The following ZFAT variants were observed in gnomAD, a reference collection of about 807,000 sequenced individuals.
The protein encoded by ZFAT is zinc finger and AT-hook domain containing.
ZFAT carries 64 observed loss-of-function variants against 117.7 expected under a neutral mutation model. The observed-to-expected ratio is 0.54, with a 90% CI of 0.44 to 0.67. ZFAT has a LOEUF of 0.67. Ranked by LOEUF, ZFAT falls within the 30% of genes least tolerant of loss-of-function variation. ZFAT has a pLI of 0.00. For synonymous variants in ZFAT, 679 were observed against 615.0 expected (o/e 1.10, Z -1.54); for missense variants, 1,433 against 1,584.5 (o/e 0.90, Z 1.62).
At chr8:134,739,111 G>A in the ZFAT span, among the ~76,000 whole-genome samples, 36 of 152,276 alleles carry the variant, frequency 2.4e-4, no homozygotes, top group East Asian at 7.0e-3. Context: ...GAATCCATCT[G>A]GGGCCGTTCT....
chr8:134,804,065 T>C, the ZFAT span, among the ~76,000 whole-genome samples: 2 of 152,174 alleles, frequency 1.3e-5, no homozygotes, highest in Non-Finnish European at 2.9e-5. Flanking sequence ...TTTTTAAAAC[T>C]CAGAAAATAG....
chr8:134,757,364 C>T, the ZFAT span, among the ~76,000 whole-genome samples: 105,328 of 151,922 alleles, frequency 0.69, 36,567 homozygotes, highest in South Asian at 0.74. Context: ...TTAAGTAAAC[C>T]TTCTGCATTC....
chr8:134,787,375 C>CT, the ZFAT span, among the ~76,000 whole-genome samples: 2 of 152,160 alleles, frequency 1.3e-5, no homozygotes, highest in Admixed American at 1.3e-4. Context: ...AAGGGGTCTA[C>CT]TTTTTTCCCC....
intron 3 of ZFAT, among the ~76,000 whole-genome samples, chr8:134,635,874 G>A (rs1563706454): frequency 6.6e-6 from 1 of 152,150 alleles, no homozygotes; most frequent in Non-Finnish European, 1.5e-5. Context: ...AGATTCTTCT[G>A]AAATGACAGC....
chr8:134,757,009 CTTTTTTTTTTTT>C, the ZFAT span, among the ~76,000 whole-genome samples: 2 of 81,212 alleles, frequency 2.5e-5, no homozygotes, highest in Non-Finnish European at 4.4e-5. Flanking sequence ...ACCTTCTTTC[CTTTTTTTTTTTT>C]TTTTTTTTTT....
chr8:134,795,854 G>A, the ZFAT span: 2 of 152,248 alleles, frequency 1.3e-5, no homozygotes, highest in Non-Finnish European at 2.9e-5. Context: ...CTTTGGGAGA[G>A]ACAGGATTTG....
chr8:134,818,193 G>A, the ZFAT span, among the ~76,000 whole-genome samples: 1 of 152,140 alleles, frequency 6.6e-6, no homozygotes, highest in African/African-American at 2.4e-5. Flanking sequence ...TTAAGAGAAT[G>A]AAGAGACAAA....
the ZFAT span, among the ~76,000 whole-genome samples, chr8:134,831,789 C>T: frequency 2.6e-5 from 4 of 151,830 alleles, no homozygotes; most frequent in African/African-American, 9.7e-5. Context: ...CCCCGAGCCC[C>T]CCACGACTCG....
intron 11 of ZFAT, among the ~76,000 whole-genome samples, chr8:134,550,310 GAAAAAAAAAA>G (rs10680896): frequency 5.5e-5 from 4 of 72,534 alleles, no homozygotes; most frequent in African/African-American, 1.5e-4. Context: ...GGTCACAACG[GAAAAAAAAAA>G]AAAAAAAAAA....
At position 134,547,027 on chromosome 8, in the gene ZFAT, T is replaced by C. The variant is rs563896128; in HGVS notation, c.2977-14055A>G. 2.6e-5 allele frequency among the ~76,000 whole-genome samples: 4 copies of C among 152,310 alleles called. No individual in the cohort carries two copies. In the East Asian group the frequency reaches 7.7e-4, roughly 29 times the overall value. On this transcript the variant is annotated intron_variant, in intron 11 of 15. Coordinates refer to ENST00000377838, the MANE Select transcript of ZFAT (RefSeq NM_020863.4). ...GGGACCCCAAATTCACAACAGATAA[T>C]GAGAGCTGTCACTGAGTTTCTACTA... is the stretch of plus-strand genomic sequence containing the variant.
intron 11 of ZFAT, among the ~76,000 whole-genome samples, chr8:134,542,804 A>C (rs949701941): frequency 6.6e-6 from 1 of 152,174 alleles, no homozygotes; most frequent in Admixed American, 6.5e-5. Flanking sequence ...CCAAGCCCCA[A>C]ATAACCTCCT....
chr8:134,617,409 C>A (rs1358600554), intron 3 of ZFAT, among the ~76,000 whole-genome samples: 4 of 152,172 alleles, frequency 2.6e-5, no homozygotes, highest in Non-Finnish European at 5.9e-5. Context: ...CTCTACCATG[C>A]AAATTAAATA....
chr8:134,806,503 A>T, the ZFAT span, among the ~76,000 whole-genome samples: 1 of 152,222 alleles, frequency 6.6e-6, no homozygotes, highest in Admixed American at 6.5e-5. Context: ...GGAAAAAAAT[A>T]GCTATTTCAT....
At chr8:134,712,083 G>A (rs907510796) in intron 1 of ZFAT, among the ~76,000 whole-genome samples, 51 of 152,200 alleles carry the variant, frequency 3.4e-4, no homozygotes, top group Admixed American at 3.3e-4. Flanking sequence ...ACACTTACAT[G>A]AGCCAAGCCC....
At chr8:134,757,461 G>T in the ZFAT span, among the ~76,000 whole-genome samples, 4 of 152,150 alleles carry the variant, frequency 2.6e-5, no homozygotes, top group African/African-American at 7.2e-5. Flanking sequence ...ACTCTAAAAT[G>T]GGATTTTAGG....
chr8:134,649,651 G>A (rs887667923), intron 2 of ZFAT, among the ~76,000 whole-genome samples: 1 of 152,212 alleles, frequency 6.6e-6, no homozygotes, highest in African/African-American at 2.4e-5. Flanking sequence ...AGTAATCAAG[G>A]AGGAGTAAGA....
rs775934203 is a variant in ZFAT at position 134,637,542 on chromosome 8, G to A, written c.367C>T (p.Arg123Trp). ...PSSLECSKCC[R>W]KFSNTRQLRK... ...AGCTGGCGCGTGTTGGAGAACTTCC[G>A]ACAGCACTTGCTACACTCCAAGCTG... Residue 123 changes from arginine (R) to tryptophan (W), a missense_variant, in exon 3 of 16, where the codon CGG becomes TGG. This residue lies in a region of ZFAT where 436 missense variants were observed against 482.0 expected (regional missense o/e 0.90). Coordinates refer to ENST00000377838, the MANE Select transcript of ZFAT (RefSeq NM_020863.4). The A allele has an allele frequency of 3.1e-6, 5 of 1,614,188 alleles. No individual in the cohort carries two copies. Among genetic ancestry groups the A allele is most frequent in the South Asian group, 2.2e-5 (2 of 91,080 alleles).
chr8:134,789,718 A>C, the ZFAT span, among the ~76,000 whole-genome samples: 1 of 152,212 alleles, frequency 6.6e-6, no homozygotes, highest in Non-Finnish European at 1.5e-5. Context: ...GACAGCCTAC[A>C]TCTGAAAGAA....
At chr8:134,633,053 T>C (rs1025553597) in intron 3 of ZFAT, among the ~76,000 whole-genome samples, 3 of 152,144 alleles carry the variant, frequency 2.0e-5, no homozygotes, top group African/African-American at 7.2e-5. Flanking sequence ...ACAGGGCAGT[T>C]TGACAATACG....
Sources: gnomAD v4.1 joint callset for allele counts (sites outside exome capture counted in the v4.1 genomes callset) on GRCh38, gnomAD v4.1.1 for gene constraint, gnomAD v4.1.1 regional missense constraint, MANE v1.5 for transcripts, NCBI Gene and HGNC (gene_info 2026-07-23, HGNC 2026-07-21) for gene names.